NSUN3: variants seen among roughly 807,000 people sequenced by gnomAD.
NSUN3 encodes NOP2/Sun RNA methyltransferase 3, also known as tRNA (cytosine(34)-C(5))-methyltransferase, mitochondrial.
Under a neutral mutation model 36.8 loss-of-function variants are expected in NSUN3, and 24 were observed. That is an observed-to-expected ratio of 0.65 (90% CI 0.47 to 0.92). The LOEUF (loss-of-function observed/expected upper bound fraction) is 0.92, where lower values mean the gene tolerates loss of function less well. NSUN3 is among the 40% of genes least tolerant of loss of function. The pLI is 0.00. For synonymous variants in NSUN3, 146 were observed against 145.2 expected, an observed-to-expected ratio of 1.01 and a Z score of -0.04; for missense variants, 381 against 392.8, an observed-to-expected ratio of 0.97 and a Z score of 0.25.
chr3:94,125,315 T>C (rs2077481004), intron 5 of NSUN3, among the ~76,000 whole-genome samples: 1 of 152,206 alleles, frequency 6.6e-6, no homozygotes. Flanking sequence ...AATGAGACAA[T>C]AAAAGTACTA....
At chr3:94,107,991 T>C (rs1185803697) in intron 5 of NSUN3, among the ~76,000 whole-genome samples, 22 of 149,616 alleles carry the variant, frequency 1.5e-4, no homozygotes, top group Non-Finnish European at 2.5e-4. Flanking sequence ...TTTTTTTTTT[T>C]CAGATAAAGC....
intron 2 of NSUN3, among the ~76,000 whole-genome samples, chr3:94,068,636 G>C (rs976469795): frequency 6.6e-6 from 1 of 151,890 alleles, no homozygotes; most frequent in African/African-American, 2.4e-5. Flanking sequence ...GCATTAATTA[G>C]AAATATTTAT....
chr3:94,098,414 C>T (rs2077352100), intron 5 of NSUN3, among the ~76,000 whole-genome samples: 1 of 152,128 alleles, frequency 6.6e-6, no homozygotes, highest in South Asian at 2.1e-4. Context: ...ATGAAAATCT[C>T]GTGTCAATTA....
At chr3:94,098,797 G>C (rs944750225) in intron 5 of NSUN3, among the ~76,000 whole-genome samples, 13 of 152,238 alleles carry the variant, frequency 8.5e-5, no homozygotes, top group African/African-American at 3.1e-4. Flanking sequence ...TCGGGAATCA[G>C]CTCTGACGTC....
chr3:94,111,179 G>T (rs1289364809), intron 5 of NSUN3, among the ~76,000 whole-genome samples: 2 of 152,042 alleles, frequency 1.3e-5, no homozygotes, highest in East Asian at 3.9e-4. Context: ...ATACCAAAAT[G>T]GAAAAGGTAC....
chr3:94,092,919 CA>C (rs1161530879), intron 3 of NSUN3, among the ~76,000 whole-genome samples: 104 of 24,618 alleles, frequency 4.2e-3, no homozygotes, highest in East Asian at 0.027. Context: ...GACTGCATCT[CA>C]AAAAAAAAAA....
intron 3 of NSUN3, among the ~76,000 whole-genome samples, chr3:94,090,700 A>G (rs540094785): frequency 7.5e-4 from 114 of 152,336 alleles, no homozygotes; most frequent in African/African-American, 2.7e-3. Flanking sequence ...AAATGCATCA[A>G]TTATCTTTAA....
chr3:94,084,417 A>AGCTCTGCTGC lies in NSUN3; in HGVS notation c.433_434insGCTCTGCTGC (p.Lys145SerfsTer20). ...GGATCTCTGTGCTGCTCCTGGAGGG[A>AGCTCTGCTGC]AATCAATAGCTCTGCTGCAGTGTGC... On this transcript the variant is annotated frameshift_variant, in exon 3 of 6. Transcript: ENST00000314622. LOFTEE classifies it high-confidence loss of function. The AGCTCTGCTGC allele has an allele frequency of 1.2e-6, 2 of 1,614,008 alleles. No homozygotes were observed. Among genetic ancestry groups the AGCTCTGCTGC allele is most frequent in the Non-Finnish European group, 1.7e-6 (2 of 1,179,962 alleles).
chr3:94,086,565 G>T (rs991315460), intron 3 of NSUN3, among the ~76,000 whole-genome samples: 2 of 152,274 alleles, frequency 1.3e-5, no homozygotes, highest in African/African-American at 4.8e-5. Context: ...ATTCCCTGTT[G>T]AAATAGATTT....
chr3:94,104,966 A>G (rs2077382833), intron 5 of NSUN3, among the ~76,000 whole-genome samples: 1 of 152,194 alleles, frequency 6.6e-6, no homozygotes, highest in Admixed American at 6.5e-5. Flanking sequence ...TTTTTTCTTA[A>G]TAATTTGAAA....
intron 5 of NSUN3, among the ~76,000 whole-genome samples, chr3:94,118,326 T>C (rs1395494404): frequency 1.3e-5 from 2 of 152,220 alleles, no homozygotes; most frequent in East Asian, 3.8e-4. Context: ...TTTACTAGTT[T>C]CCATTTTAGA....
chr3:94,110,199 G>C (rs1047082025), intron 5 of NSUN3, among the ~76,000 whole-genome samples: 9 of 152,028 alleles, frequency 5.9e-5, no homozygotes, highest in African/African-American at 2.2e-4. Flanking sequence ...TGGAAGAGCT[G>C]CCTCCTTAGA....
At chr3:94,092,160 G>A (rs543130204) in intron 3 of NSUN3, among the ~76,000 whole-genome samples, 111 of 152,254 alleles carry the variant, frequency 7.3e-4, no homozygotes, top group African/African-American at 2.6e-3. Flanking sequence ...AGCTCTTGTT[G>A]TGGACTTTAA....
At chr3:94,107,614 T>C (rs1371262930) in intron 5 of NSUN3, among the ~76,000 whole-genome samples, 4 of 152,084 alleles carry the variant, frequency 2.6e-5, no homozygotes, top group African/African-American at 9.7e-5. Context: ...ATTAATTTTC[T>C]TTAAATCAGA....
intron 2 of NSUN3, among the ~76,000 whole-genome samples, chr3:94,065,081 G>T (rs1158204252): frequency 6.6e-6 from 1 of 152,158 alleles, no homozygotes; most frequent in Non-Finnish European, 1.5e-5. Flanking sequence ...GGAGAAATGT[G>T]ATTTGTCTGT....
intron 5 of NSUN3, among the ~76,000 whole-genome samples, chr3:94,118,294 A>G (rs2077448410): frequency 6.6e-6 from 1 of 152,216 alleles, no homozygotes; most frequent in Non-Finnish European, 1.5e-5. Context: ...ATATTAAAGA[A>G]TATGTAAAAC....
chr3:94,079,850 G>A (rs768092290), intron 2 of NSUN3, among the ~76,000 whole-genome samples: 21 of 151,986 alleles, frequency 1.4e-4, no homozygotes, highest in Non-Finnish European at 2.4e-4. Flanking sequence ...AAGGTTCTTA[G>A]CTTCCTTGCA....
In NSUN3 at chr3:94,095,089, T is replaced by A. The variant is rs1218157123; in HGVS notation, c.678T>A (p.Ser226=). The A allele has an allele frequency of 2.5e-6, 4 of 1,613,858 alleles. No homozygotes were observed. Among genetic ancestry groups the A allele is most frequent in the Non-Finnish European group, 2.5e-6 (3 of 1,179,894 alleles). ...GAAGCTGGTTGTTTTCTTCTGACTC[T>A]CAGAAGGCATCCTGTAGGATAAGTC... ...NDRSWLFSSD[S]QKASCRISQR... The change falls in exon 5 of 6, where the codon TCT becomes TCA. Residue 226 remains serine (S), a synonymous_variant. Coordinates refer to ENST00000314622, the MANE Select transcript of NSUN3 (RefSeq NM_022072.5).
chr3:94,064,178 C>T (rs2077193776), intron 1 of NSUN3: 4 of 434,646 alleles, frequency 9.2e-6, no homozygotes, highest in Admixed American at 3.9e-5. Context: ...AATTTTGTTC[C>T]TTTTGACAGT....
Sources: allele counts gnomAD v4.1 joint callset (sites outside exome capture counted in the v4.1 genomes callset), GRCh38; gene constraint gnomAD v4.1.1; transcripts MANE v1.5; gene names NCBI Gene and HGNC (gene_info 2026-07-23, HGNC 2026-07-21).